Variants in STIL observed in about 807,000 individuals in gnomAD.
The protein encoded by STIL is SCL-interrupting locus protein.
A neutral mutation model predicts 110.1 loss-of-function variants in STIL; 55 were observed. That is an observed-to-expected ratio of 0.50 (90% CI 0.40 to 0.63). The LOEUF (loss-of-function observed/expected upper bound fraction) is 0.63. STIL is among the 20% of genes least tolerant of loss of function. STIL has a pLI of 0.00. For synonymous variants in STIL, 481 were observed against 530.0 expected, an observed-to-expected ratio of 0.91 and a Z score of 1.27; for missense variants, 1,358 against 1,530.0, an observed-to-expected ratio of 0.89 and a Z score of 1.87.
chr1:47,293,143 C>T (rs188116475), intron 8 of STIL, among the ~76,000 whole-genome samples: 5 of 152,244 alleles, frequency 3.3e-5, no homozygotes, highest in African/African-American at 1.2e-4. Context: ...AGTCATTTCA[C>T]TGAAAGTTAA....
At chr1:47,296,647 T>C (rs1257383350) in intron 6 of STIL, among the ~76,000 whole-genome samples, 1 of 150,218 alleles carries the variant, frequency 6.7e-6, no homozygotes, top group Admixed American at 6.6e-5. Context: ...CTACTGAATA[T>C]ACAAAAAAAA....
intron 2 of STIL, among the ~76,000 whole-genome samples, chr1:47,309,670 T>C (rs1038849043): frequency 6.6e-6 from 1 of 152,134 alleles, no homozygotes; most frequent in Non-Finnish European, 1.5e-5. Context: ...GAGCAATAAA[T>C]GATCCAAAGA....
chr1:47,268,782 A>G lies in STIL; in HGVS notation c.2615+853T>C, dbSNP rs150319250. ...TCATAAATAAATAAATAAATAAATA[A>G]ATAAATAAATTAAATAAAAGAAATT... On this transcript the variant is annotated intron_variant, in intron 14 of 16. Coordinates refer to ENST00000371877, the MANE Select transcript of STIL (RefSeq NM_001048166.1). Among the ~76,000 whole-genome samples the G allele has an allele frequency of 2.1e-3, 215 of 101,460 alleles. 3 individuals are homozygous for G. The East Asian group carries it at 0.038, about 18-fold the overall frequency. 66.6% of individuals were successfully genotyped at this position (101,460 alleles called of 152,430 possible).
intron 12 of STIL, among the ~76,000 whole-genome samples, chr1:47,279,181 G>A (rs548496895): frequency 6.6e-6 from 1 of 151,774 alleles, no homozygotes; most frequent in African/African-American, 2.4e-5. Context: ...TACTCCGGCG[G>A]CTGAGGCAGG....
At chr1:47,284,813 C>A (rs1488832150) in intron 10 of STIL, among the ~76,000 whole-genome samples, 1 of 151,874 alleles carries the variant, frequency 6.6e-6, no homozygotes, top group African/African-American at 2.4e-5. Context: ...TTCCTTGAAC[C>A]TGCGAAGTGG....
At chr1:47,288,660 T>C (rs910865288) in intron 9 of STIL, among the ~76,000 whole-genome samples, 6 of 152,072 alleles carry the variant, frequency 3.9e-5, no homozygotes, top group African/African-American at 9.7e-5. Flanking sequence ...TTAGATGATA[T>C]AGTAACAATC....
intron 8 of STIL, among the ~76,000 whole-genome samples, chr1:47,292,220 GAT>G (rs1316316983): frequency 6.6e-6 from 1 of 151,854 alleles, no homozygotes; most frequent in Non-Finnish European, 1.5e-5. Context: ...GAACATAATA[GAT>G]ATAATAGGTG....
intron 11 of STIL, 68 bp downstream of exon 11, chr1:47,282,277 G>GTTAACCA (rs1467024665): frequency 6.5e-5 from 60 of 925,252 alleles, no homozygotes; most frequent in Non-Finnish European, 1.0e-4. Flanking sequence ...GTATTATTTA[G>GTTAACCA]TGTTTTAACC....
intron 3 of STIL, 141 bp downstream of exon 3, chr1:47,304,748 G>A (rs989228249): frequency 2.9e-6 from 2 of 678,178 alleles, no homozygotes; most frequent in African/African-American, 3.6e-5. Flanking sequence ...GAAGCAGAAG[G>A]AAAATTTTGC....
At chr1:47,311,280 T>A (rs1303200540) in intron 1 of STIL, among the ~76,000 whole-genome samples, 2 of 147,734 alleles carry the variant, frequency 1.4e-5, no homozygotes, top group Non-Finnish European at 1.5e-5. Flanking sequence ...CTTTTCTTTT[T>A]TTCTTTTTTT....
chr1:47,280,905 G>T lies in STIL; in HGVS notation c.1553C>A (p.Thr518Asn), dbSNP rs759098744. The change falls in exon 12 of 17, where the codon ACC (threonine) becomes AAC (asparagine). Residue 518 changes from threonine to asparagine, a missense_variant. Transcript: ENST00000371877. ...PPAYKKGNPH[T>N]RNSIKPSSHN... ...AGAAGATGGTTTAATACTGTTCCTG[G>T]TATGGGGGTTCCCTTTCTTATAGGC... The T allele has an allele frequency of 6.2e-7, 1 of 1,614,166 alleles. No homozygotes were observed. The highest frequency in any genetic ancestry group is 8.5e-7 in the Non-Finnish European group (1 of 1,180,022).
chr1:47,256,278 A>C (rs1644324395), intron 16 of STIL, among the ~76,000 whole-genome samples: 1 of 152,128 alleles, frequency 6.6e-6, no homozygotes. Context: ...TCAGCAAATG[A>C]CTCATTGAAG....
chr1:47,288,519 A>C (rs971660188), intron 9 of STIL, among the ~76,000 whole-genome samples: 1 of 150,502 alleles, frequency 6.6e-6, no homozygotes, highest in Non-Finnish European at 1.5e-5. Context: ...CTGGTCTCAA[A>C]CTCCTGACCT....
intron 16 of STIL, among the ~76,000 whole-genome samples, chr1:47,256,283 T>C (rs973507050): frequency 1.3e-5 from 2 of 152,160 alleles, no homozygotes; most frequent in African/African-American, 4.8e-5. Flanking sequence ...AAATGACTCA[T>C]TGAAGGCCCA....
chr1:47,291,141 C>G (rs1401395708), intron 8 of STIL, among the ~76,000 whole-genome samples: 1 of 152,188 alleles, frequency 6.6e-6, no homozygotes, highest in African/African-American at 2.4e-5. Flanking sequence ...AGGCAGATCA[C>G]CTGAGGTCAG....
At chr1:47,300,843 A>G (rs973423272) in intron 5 of STIL, among the ~76,000 whole-genome samples, 3 of 152,114 alleles carry the variant, frequency 2.0e-5, no homozygotes, top group African/African-American at 7.2e-5. Context: ...CAAATTGTCA[A>G]GTTAGTTCTC....
intron 12 of STIL, among the ~76,000 whole-genome samples, chr1:47,277,686 G>A (rs1053517226): frequency 6.6e-6 from 1 of 151,918 alleles, no homozygotes; most frequent in Non-Finnish European, 1.5e-5. Flanking sequence ...GAGATGAGAG[G>A]TGATACCATT....
Position 47,260,456 on chromosome 1 carries a change from G to C in STIL, c.2913C>G (p.Cys971Trp). 6.2e-7 allele frequency: 1 copy of C among 1,614,174 alleles called. No individual in the cohort carries two copies. The highest frequency in any genetic ancestry group is 8.5e-7 in the Non-Finnish European group (1 of 1,180,030). Residue 971 changes from cysteine to tryptophan, a missense_variant, in exon 16 of 17, where the codon TGC (cysteine) becomes TGG (tryptophan). Transcript: ENST00000371877. ...STKAVIISHE[C>W]TRTQNVYHTK... Reference sequence around the variant, plus strand: ...TATGGTAAACGTTTTGGGTTCTGGTGCATTCATGACTGATAATTACTGCTT... The same window carrying C: ...TATGGTAAACGTTTTGGGTTCTGGTCCATTCATGACTGATAATTACTGCTT...
At chr1:47,310,156 CT>C in intron 2 of STIL, 119 bp downstream of exon 2, 1 of 891,528 alleles carries the variant, frequency 1.1e-6, no homozygotes, top group South Asian at 1.5e-5. Context: ...AGTGGTAGAG[CT>C]AGGATATGAA....
Sources: gnomAD v4.1 joint callset for allele counts (sites outside exome capture counted in the v4.1 genomes callset) on GRCh38, gnomAD v4.1.1 for gene constraint, MANE v1.5 for transcripts, NCBI Gene and HGNC (gene_info 2026-07-23, HGNC 2026-07-21) for gene names.